PLXNC1: variants seen among roughly 807,000 people sequenced by gnomAD.
PLXNC1 encodes plexin-C1.
In PLXNC1, 75 loss-of-function variants were observed where a neutral mutation model predicts 178.2. That is an observed-to-expected ratio of 0.42 (90% CI 0.35 to 0.51). The LOEUF is 0.51. Among genes scored for constraint, PLXNC1 ranks in the 20% least tolerant of loss-of-function variants. The probability of loss-of-function intolerance (pLI) is 0.02; values close to 1 mark genes in which losing one functional copy is unlikely to be tolerated. For synonymous variants in PLXNC1, 790 were observed against 779.9 expected (o/e 1.01, Z -0.22); for missense variants, 1,503 against 1,984.4 (o/e 0.76, Z 4.61).
chr12:94,191,769 C>CAA (rs58096506), intron 4 of PLXNC1, among the ~76,000 whole-genome samples: 55,401 of 140,854 alleles, frequency 0.39, 11,142 homozygotes, highest in East Asian at 0.59. Flanking sequence ...AACTCCATCT[C>CAA]AAAAAAAAAA....
intron 17 of PLXNC1, among the ~76,000 whole-genome samples, chr12:94,258,621 G>A (rs1178550931): frequency 1.3e-5 from 2 of 152,186 alleles, no homozygotes; most frequent in African/African-American, 4.8e-5. Context: ...TTAGAAACCA[G>A]TGGGGTGATA....
intron 1 of PLXNC1, among the ~76,000 whole-genome samples, chr12:94,164,661 GCACACACACACA>G (rs3060912): frequency 0.053 from 7,894 of 148,642 alleles, 269 homozygotes; most frequent in Non-Finnish European, 0.067. Flanking sequence ...ATGACTCCCT[GCACACACACACA>G]CACACACACA....
intron 6 of PLXNC1, among the ~76,000 whole-genome samples, chr12:94,223,395 C>T (rs1187363692): frequency 2.0e-5 from 3 of 152,124 alleles, no homozygotes; most frequent in Admixed American, 1.3e-4. Context: ...GTGTTGTGGC[C>T]CCAAACCTGG....
chr12:94,301,640 C>T (rs1461887538), intron 28 of PLXNC1, among the ~76,000 whole-genome samples: 3 of 152,194 alleles, frequency 2.0e-5, no homozygotes. Flanking sequence ...ATATACTAAA[C>T]TGAGCAATAT....
At chr12:94,160,459 C>T (rs1442553481) in intron 1 of PLXNC1, among the ~76,000 whole-genome samples, 5 of 152,204 alleles carry the variant, frequency 3.3e-5, no homozygotes, top group Admixed American at 2.6e-4. Flanking sequence ...CATCCCCTGT[C>T]TCCCCGCAAC....
chr12:94,168,109 A>G (rs1961691501), intron 1 of PLXNC1: 1 of 152,162 alleles, frequency 6.6e-6, no homozygotes, highest in Non-Finnish European at 1.5e-5. Context: ...CCCCTCCCCA[A>G]ATAGGGCGAT....
chr12:94,209,733 G>A (rs537806079), intron 5 of PLXNC1, 29 bp downstream of exon 5: 11 of 1,338,198 alleles, frequency 8.2e-6, no homozygotes, highest in Middle Eastern at 1.9e-4. Context: ...ATTTGTCCTC[G>A]TTGTATTGTC....
Position 94,226,706 on chromosome 12 carries a change from A to C in PLXNC1, c.1892A>C (p.Gln631Pro). 1 of 1,602,864 alleles carries C rather than the reference A, an allele frequency of 6.2e-7. No homozygotes were observed. Among genetic ancestry groups the C allele is most frequent in the Non-Finnish European group, 8.5e-7 (1 of 1,169,964 alleles). ...ACDPSDYERN[Q>P]EQCPVAVEKT... is the part of the protein sequence containing the mutation. ...GACCCTTCTGATTATGAGAGAAACC[A>C]GGTAAAGTGACATTTTTGGTATTGT... is the stretch of plus-strand genomic sequence containing the variant. Residue 631 changes from glutamine to proline, a missense_variant and splice_region_variant, in exon 8 of 31, where the codon CAG (glutamine) becomes CCG (proline). Around this residue, in one of 4 missense-constraint regions of PLXNC1, gnomAD observed 615 missense variants for 698.6 expected, o/e 0.88. Transcript: ENST00000258526.
At chr12:94,242,362 G>A (rs1281894043) in intron 11 of PLXNC1, among the ~76,000 whole-genome samples, 16 of 136,808 alleles carry the variant, frequency 1.2e-4, no homozygotes, top group Non-Finnish European at 6.1e-5. Context: ...AGGCTGGAGT[G>A]CAGTGGCGCA....
At chr12:94,275,914 C>A (rs1281960276) in intron 21 of PLXNC1, among the ~76,000 whole-genome samples, 8 of 148,212 alleles carry the variant, frequency 5.4e-5, no homozygotes, top group African/African-American at 2.0e-4. Flanking sequence ...GTGTTAGCAG[C>A]ATGAAAAATG....
At chr12:94,230,014 G>A (rs570006858) in intron 9 of PLXNC1, among the ~76,000 whole-genome samples, 7 of 152,270 alleles carry the variant, frequency 4.6e-5, no homozygotes, top group South Asian at 4.1e-4. Context: ...GGATATTGAC[G>A]TTGACAGCAG....
In PLXNC1 at chr12:94,265,168, C is replaced by G. The variant is rs772430116; in HGVS notation, c.3540C>G (p.Ala1180=). 6.2e-6 allele frequency: 10 copies of G among 1,614,030 alleles called. No homozygotes were observed. In the South Asian group the frequency reaches 1.1e-4, roughly 18 times the overall value. ...KGPVDVITCK[A]LYTLNEDWLL... is the part of the protein sequence containing the mutation. ...CCGTGGATGTAATCACTTGCAAAGC[C>G]CTGTACACACTTAATGAAGACTGGC... The change falls in exon 21 of 31, where the codon GCC becomes GCG. Residue 1180 remains alanine, a synonymous_variant. Coordinates refer to ENST00000258526, the MANE Select transcript of PLXNC1 (RefSeq NM_005761.3).
chr12:94,195,957 C>T (rs1962898395), intron 4 of PLXNC1, among the ~76,000 whole-genome samples: 1 of 152,150 alleles, frequency 6.6e-6, no homozygotes, highest in African/African-American at 2.4e-5. Context: ...GTCCCAGCTC[C>T]TTTTTTTATC....
chr12:94,298,712 A>G lies in PLXNC1; in HGVS notation c.4155A>G (p.Lys1385=). The change falls in exon 27 of 31, where the codon AAA becomes AAG. Residue 1385 remains lysine (K), a synonymous_variant. Coordinates refer to ENST00000258526, the MANE Select transcript of PLXNC1 (RefSeq NM_005761.3). Reference sequence around the variant, plus strand: ...ACAGCAGAGCTCCATTTGCTATAAAATACTTTTTTGACTTTTTGGACGCCC... The same window carrying G: ...ACAGCAGAGCTCCATTTGCTATAAAGTACTTTTTTGACTTTTTGGACGCCC... ...LPNSRAPFAI[K]YFFDFLDAQA... is the part of the protein sequence containing the mutation. 1 of 1,613,378 alleles carries G rather than the reference A, an allele frequency of 6.2e-7. No individual in the cohort carries two copies. The highest frequency in any genetic ancestry group is 8.5e-7 in the Non-Finnish European group (1 of 1,179,824).
chr12:94,296,663 A>C (rs184421299), intron 24 of PLXNC1, among the ~76,000 whole-genome samples: 2 of 152,342 alleles, frequency 1.3e-5, no homozygotes, highest in East Asian at 3.9e-4. Flanking sequence ...AGCTGACTCT[A>C]TCTCTTCATT....
intron 5 of PLXNC1, among the ~76,000 whole-genome samples, chr12:94,218,307 AAG>A (rs1400584687): frequency 6.6e-6 from 1 of 152,166 alleles, no homozygotes; most frequent in Non-Finnish European, 1.5e-5. Flanking sequence ...TGAAAATGGG[AAG>A]ATAGGGGTGA....
rs1376665666 is a variant in PLXNC1, at chr12:94,149,757, C to T, written c.786C>T (p.Pro262=). 6.2e-7 allele frequency: 1 copy of T among 1,609,820 alleles called. No individual in the cohort carries two copies. The highest frequency in any genetic ancestry group is 1.3e-5 in the African/African-American group (1 of 74,872). The change falls in exon 1 of 31, where the codon CCC becomes CCT. Residue 262 remains proline, a synonymous_variant. Coordinates refer to ENST00000258526, the MANE Select transcript of PLXNC1 (RefSeq NM_005761.3). ...NYTSGAATGW[P]SMARIAQSTE... is the part of the protein sequence containing the mutation. ...CGAGCGGCGCTGCCACCGGCTGGCC[C>T]AGCATGGCGCGCATCGCGCAGAGCA...
intron 14 of PLXNC1, among the ~76,000 whole-genome samples, chr12:94,251,217 T>C (rs1171127883): frequency 6.6e-6 from 1 of 152,182 alleles, no homozygotes; most frequent in Non-Finnish European, 1.5e-5. Flanking sequence ...ATGTGTCAAC[T>C]GACATTTCAG....
intron 15 of PLXNC1, among the ~76,000 whole-genome samples, chr12:94,251,919 GGAGGCGGAGGTTGCAGT>G (rs1384383660): frequency 6.6e-6 from 1 of 151,400 alleles, no homozygotes; most frequent in Non-Finnish European, 1.5e-5. Context: ...CTTGAACCCG[GGAGGCGGAGGTTGCAGT>G]GAGCCGAGAT....
Sources: allele counts gnomAD v4.1 joint callset (sites outside exome capture counted in the v4.1 genomes callset), GRCh38; gene constraint gnomAD v4.1.1; regional missense constraint gnomAD v4.1.1; transcripts MANE v1.5; gene names NCBI Gene and HGNC (gene_info 2026-07-23, HGNC 2026-07-21).